Variants in GARNL3 observed in about 807,000 individuals in gnomAD.
The protein encoded by GARNL3 is GTPase activating Rap/RanGAP domain like 3.
A neutral mutation model predicts 125.0 loss-of-function variants in GARNL3; 63 were observed. The ratio of observed to expected loss-of-function variants is 0.50; its 90% confidence interval spans 0.41 to 0.62. GARNL3 has a LOEUF of 0.62. Ranked by LOEUF, GARNL3 falls within the 20% of genes least tolerant of loss-of-function variation. The pLI, the probability that GARNL3 is intolerant of heterozygous loss-of-function variation, is 0.00. For missense variants in GARNL3, 994 were observed against 1,244.0 expected (o/e 0.80, Z 3.02); for synonymous variants, 439 against 457.5 (o/e 0.96, Z 0.52).
chr9:127,229,485 C>G (rs921986007), intron 1 of GARNL3, among the ~76,000 whole-genome samples: 1 of 152,078 alleles, frequency 6.6e-6, no homozygotes, highest in African/African-American at 2.4e-5. Context: ...CCTGTTATAT[C>G]CATTTTATGT....
In GARNL3 at chr9:127,341,119, C is replaced by T. The variant is rs138717398; in HGVS notation, c.1136-1100C>T. Among the ~76,000 whole-genome samples, 174 of 152,332 alleles carry T rather than the reference C, an allele frequency of 1.1e-3. 2 individuals carry two copies. In the East Asian group the frequency reaches 0.024, roughly 21 times the overall value. ...CCCAGCTGGACCACCAGCGTTGTTA[C>T]CTCCCATACTCCAACCTATACCAGG... On this transcript the variant is annotated intron_variant, in intron 13 of 27. Transcript: ENST00000373387.
chr9:127,345,714 G>C (rs1830100480), intron 16 of GARNL3, among the ~76,000 whole-genome samples: 1 of 152,196 alleles, frequency 6.6e-6, no homozygotes, highest in Admixed American at 6.5e-5. Flanking sequence ...GGACCGACCT[G>C]GTCAGGCAGG....
rs1588978635 is a variant in GARNL3 at position 127,385,360 on chromosome 9, T to C, written c.2388+215T>C. Among the ~76,000 whole-genome samples the C allele has an allele frequency of 6.6e-6, 1 of 152,196 alleles. No individual in the cohort carries two copies. Among genetic ancestry groups the C allele is most frequent in the Non-Finnish European group, 1.5e-5 (1 of 68,048 alleles). On this transcript the variant is annotated intron_variant, in intron 24 of 27. Transcript: ENST00000373387. The surrounding 1 kb of genome is among the most constrained non-coding windows in gnomAD (Gnocchi z 4.1). Reference sequence around the variant, plus strand: ...TCAGAACACTCCTCAGCTTTGTTAATAGTCATTAACTGGTGCTGGTGGCAG... The same window carrying C: ...TCAGAACACTCCTCAGCTTTGTTAACAGTCATTAACTGGTGCTGGTGGCAG...
At chr9:127,311,522 T>G (rs2065098496) in intron 2 of GARNL3, 114 bp from the exon 3 acceptor site, 4 of 719,704 alleles carry the variant, frequency 5.6e-6, no homozygotes, top group Non-Finnish European at 9.8e-6. Flanking sequence ...CCACAGCCCT[T>G]GGGTGTATGC....
intron 4 of GARNL3, 74 bp from the exon 5 acceptor site, chr9:127,317,989 G>A: frequency 1.1e-6 from 1 of 884,500 alleles, no homozygotes; most frequent in Middle Eastern, 2.2e-4. Context: ...GCTTTCTTTT[G>A]AATGACCCGA....
chr9:127,283,483 C>A (rs1246684429), intron 1 of GARNL3, among the ~76,000 whole-genome samples: 1 of 152,074 alleles, frequency 6.6e-6, no homozygotes, highest in Non-Finnish European at 1.5e-5. Flanking sequence ...CCAGTCTGGG[C>A]AACATAGTGA....
At position 127,364,011 on chromosome 9, in the gene GARNL3, A is replaced by G. The variant is rs1418456182; in HGVS notation, c.2095-1289A>G. On this transcript the variant is annotated intron_variant, in intron 21 of 27. Transcript: ENST00000373387. This position sits in a 1 kb window ranked among gnomAD's most constrained non-coding sequence, Gnocchi z 4.2. Reference sequence around the variant, plus strand: ...AAGACCTAAGGCCAGAGGCTAAGCCATTTGCCACACACCACAGAGGCAGTA... The same window carrying G: ...AAGACCTAAGGCCAGAGGCTAAGCCGTTTGCCACACACCACAGAGGCAGTA... 3 of 152,176 alleles carry G rather than the reference A, an allele frequency of 2.0e-5. No individual in the cohort carries two copies. Among genetic ancestry groups the G allele is most frequent in the African/African-American group, 7.2e-5 (3 of 41,414 alleles). The allele number at this position is 152,176 out of a possible 1,614,324, so 9.4% of individuals were successfully genotyped here.
At chr9:127,365,599 G>T (rs780128724) in intron 22 of GARNL3, among the ~76,000 whole-genome samples, 3 of 152,152 alleles carry the variant, frequency 2.0e-5, no homozygotes, top group African/African-American at 7.2e-5. Flanking sequence ...TCCAGGATGC[G>T]CCAGTGATGA....
chr9:127,345,582 T>C, intron 16 of GARNL3, 105 bp downstream of exon 16: 1 of 732,458 alleles, frequency 1.4e-6, no homozygotes, highest in Non-Finnish European at 2.2e-6. Flanking sequence ...AAGAAGAGCA[T>C]GTCTACTGCA....
At chr9:127,381,178 G>A (rs569177851) in intron 22 of GARNL3, among the ~76,000 whole-genome samples, 3 of 152,190 alleles carry the variant, frequency 2.0e-5, no homozygotes, top group African/African-American at 4.8e-5. Context: ...ACACCTGCCC[G>A]AATTGTACCT....
At chr9:127,329,107 G>A (rs1236659672) in intron 7 of GARNL3, among the ~76,000 whole-genome samples, 1 of 152,152 alleles carries the variant, frequency 6.6e-6, no homozygotes, top group African/African-American at 2.4e-5. Context: ...ATTATAATGA[G>A]CCATACCTTG....
intron 22 of GARNL3, 106 bp downstream of exon 22, chr9:127,365,472 C>T: frequency 1.1e-6 from 1 of 935,398 alleles, no homozygotes; most frequent in Admixed American, 2.0e-5. Context: ...TGTATCATTC[C>T]TGGGTTTGTA....
chr9:127,265,169 G>C (rs1035933154), intron 1 of GARNL3, 148 bp downstream of exon 1: 3 of 536,086 alleles, frequency 5.6e-6, no homozygotes, highest in Non-Finnish European at 3.1e-6. Flanking sequence ...CTATACAAAG[G>C]CTATGATAAT....
chr9:127,378,243 CA>C (rs386361566), intron 22 of GARNL3, among the ~76,000 whole-genome samples: 21,591 of 88,208 alleles, frequency 0.24, 1,752 homozygotes, highest in East Asian at 0.4. Flanking sequence ...GACTCTGTCT[CA>C]AAAAAAAAAA....
chr9:127,336,274 C>G (rs750777893), intron 11 of GARNL3, 38 bp downstream of exon 11: 4 of 1,449,704 alleles, frequency 2.8e-6, no homozygotes, highest in Non-Finnish European at 2.9e-6. Flanking sequence ...GTGTGGCAAG[C>G]TGTGGTTCAG....
chr9:127,325,258 A>G (rs2065533152), intron 7 of GARNL3, among the ~76,000 whole-genome samples, 163 bp downstream of exon 7: 1 of 152,200 alleles, frequency 6.6e-6, no homozygotes, highest in Admixed American at 6.5e-5. Context: ...TGTATTTTTA[A>G]GGTATATTTT....
intron 22 of GARNL3, among the ~76,000 whole-genome samples, chr9:127,378,765 TTTTGTTTG>T (rs552877685): frequency 8.5e-5 from 13 of 152,096 alleles, no homozygotes; most frequent in Non-Finnish European, 1.5e-4. Context: ...TATATATATT[TTTTGTTTG>T]TTTGTTTGTT....
chr9:127,228,942 G>A (rs1427597471), intron 1 of GARNL3, among the ~76,000 whole-genome samples: 1 of 152,102 alleles, frequency 6.6e-6, no homozygotes, highest in African/African-American at 2.4e-5. Flanking sequence ...TTCTGCCTCA[G>A]CCTTGAGTAG....
At chr9:127,377,307 T>G (rs1202656226) in intron 22 of GARNL3, among the ~76,000 whole-genome samples, 1 of 149,562 alleles carries the variant, frequency 6.7e-6, no homozygotes, top group Non-Finnish European at 1.5e-5. Flanking sequence ...ATGATGAATT[T>G]TTTTAAAGAT....
Sources: allele counts gnomAD v4.1 joint callset (sites outside exome capture counted in the v4.1 genomes callset), GRCh38; gene constraint gnomAD v4.1.1; non-coding constraint Gnocchi (gnomAD v3.1); transcripts MANE v1.5; gene names NCBI Gene and HGNC (gene_info 2026-07-23, HGNC 2026-07-21).